CLEC2D: variants seen among roughly 807,000 people sequenced by gnomAD.
The protein encoded by CLEC2D is C-type lectin related f.
In CLEC2D, 16 loss-of-function variants were observed where a neutral mutation model predicts 20.0. That is an observed-to-expected ratio of 0.80 (90% CI 0.54 to 1.22). The LOEUF (loss-of-function observed/expected upper bound fraction) is 1.22, where lower values mean the gene tolerates loss of function less well. Ranked by LOEUF, CLEC2D falls within the 50% of genes most tolerant of loss-of-function variation. The pLI is 0.00. For missense variants in CLEC2D, 207 were observed against 221.5 expected (o/e 0.93, Z 0.42); for synonymous variants, 77 against 71.1 (o/e 1.08, Z -0.42).
Position 9,675,255 on chromosome 12 carries a change from G to A in CLEC2D, c.61+5460G>A, listed in dbSNP as rs1019242610. Among the ~76,000 whole-genome samples the A allele has an allele frequency of 4.1e-5, 6 of 147,982 alleles. No homozygotes were observed. In the South Asian group the frequency reaches 6.4e-4, roughly 16 times the overall value. On this transcript the variant is annotated intron_variant, in intron 1 of 4. Coordinates refer to ENST00000290855, the MANE Select transcript of CLEC2D (RefSeq NM_013269.6). The stretch of plus-strand genomic sequence containing the variant: ...CTTGCCCAGGCCGGAGTGCAGTGGC[G>A]CAATCTCGGCTCACTGCAAGCTCCG...
intron 3 of CLEC2D, among the ~76,000 whole-genome samples, chr12:9,690,968 A>G (rs1338900214): frequency 3.3e-5 from 5 of 152,096 alleles, no homozygotes; most frequent in Non-Finnish European, 7.4e-5. Context: ...CAAGTTGGCT[A>G]AAAACTAAAA....
chr12:9,686,010 G>A (rs747823517), intron 2 of CLEC2D, among the ~76,000 whole-genome samples: 1 of 152,256 alleles, frequency 6.6e-6, no homozygotes, highest in Admixed American at 6.5e-5. Context: ...CTCCTGGTCT[G>A]TGGGTTGCAA....
Position 9,695,389 on chromosome 12 carries a change from A to C in CLEC2D, c.*515A>C, listed in dbSNP as rs1865960143. 1.4e-6 allele frequency: 2 copies of C among 1,470,638 alleles called. No individual in the cohort carries two copies. The highest frequency in any genetic ancestry group is 2.9e-5 in the African/African-American group (2 of 70,012). 91.1% of individuals were successfully genotyped at this position (1,470,638 alleles called of 1,614,324 possible). On this transcript the variant is annotated 3_prime_UTR_variant, in exon 5 of 5. Coordinates refer to ENST00000290855, the MANE Select transcript of CLEC2D (RefSeq NM_013269.6). ...TAAGTGTGTGTCGCCACCCGATGGA[A>C]GATTCGATGGACATGGACATGAGCC...
At chr12:9,684,741 G>A (rs866677584) in intron 2 of CLEC2D, among the ~76,000 whole-genome samples, 29 of 152,044 alleles carry the variant, frequency 1.9e-4, no homozygotes, top group African/African-American at 6.5e-4. Flanking sequence ...TGACTTGATC[G>A]TGGTGGATAA....
chr12:9,683,505 G>C (rs766354006), intron 2 of CLEC2D, among the ~76,000 whole-genome samples: 39 of 152,088 alleles, frequency 2.6e-4, no homozygotes, highest in Middle Eastern at 3.4e-3. Context: ...TATGGTTTTA[G>C]GTCTTATGTT....
chr12:9,678,652 A>G (rs1048043588), intron 1 of CLEC2D, among the ~76,000 whole-genome samples: 1 of 152,020 alleles, frequency 6.6e-6, no homozygotes, highest in Non-Finnish European at 1.5e-5. Flanking sequence ...TGATTCTCCT[A>G]CCTGAGCCCT....
chr12:9,696,359 A>G lies in CLEC2D; in HGVS notation c.*1485A>G. On this transcript the variant is annotated 3_prime_UTR_variant, in exon 5 of 5. Transcript: ENST00000290855. The stretch of plus-strand genomic sequence containing the variant: ...CTACCATGTTTGATAAATGTTGTCC[A>G]GGTTCTATTGCCAAGAATGTGTTGT... The G allele has an allele frequency of 1.9e-6, 1 of 521,372 alleles. No homozygotes were observed. The highest frequency in any genetic ancestry group is 3.5e-6 in the Non-Finnish European group (1 of 285,684). The allele number at this position is 521,372 out of a possible 1,614,324, so 32.3% of individuals were successfully genotyped here.
chr12:9,669,878 C>A, intron 1 of CLEC2D, 83 bp downstream of exon 1: 3 of 1,098,564 alleles, frequency 2.7e-6, no homozygotes, highest in Non-Finnish European at 4.1e-6. Flanking sequence ...AGGAAAGGTG[C>A]TGATCTAGTA....
chr12:9,695,875 G>C lies in CLEC2D; in HGVS notation c.*1001G>C. 1.0e-6 allele frequency: 1 copy of C among 967,534 alleles called. No homozygotes were observed. Among genetic ancestry groups the C allele is most frequent in the South Asian group, 1.3e-5 (1 of 74,096 alleles). The allele number at this position is 967,534 out of a possible 1,614,324, so 59.9% of individuals were successfully genotyped here. On this transcript the variant is annotated 3_prime_UTR_variant, in exon 5 of 5. Coordinates refer to ENST00000290855, the MANE Select transcript of CLEC2D (RefSeq NM_013269.6). ...TGCTGCTGATGATGATGATGATGAA[G>C]ATGATGATGATGATGATGACGAGGA...
At chr12:9,692,383 G>A (rs925907198) in intron 3 of CLEC2D, among the ~76,000 whole-genome samples, 3 of 151,972 alleles carry the variant, frequency 2.0e-5, no homozygotes, top group Non-Finnish European at 2.9e-5. Context: ...CAGGTGATCC[G>A]CCTGCCTCGG....
At chr12:9,692,513 G>C (rs1164729311) in intron 3 of CLEC2D, among the ~76,000 whole-genome samples, 2 of 152,246 alleles carry the variant, frequency 1.3e-5, no homozygotes, top group East Asian at 3.9e-4. Flanking sequence ...GAATGTCATA[G>C]TAGCATACAT....
At chr12:9,682,528 C>G (rs189073432) in intron 2 of CLEC2D, among the ~76,000 whole-genome samples, 1 of 152,274 alleles carries the variant, frequency 6.6e-6, no homozygotes, top group Admixed American at 6.5e-5. Context: ...TGCCCCCCAA[C>G]CCTCAACACG....
At chr12:9,687,446 C>G (rs868586100) in intron 2 of CLEC2D, among the ~76,000 whole-genome samples, 3 of 152,146 alleles carry the variant, frequency 2.0e-5, no homozygotes, top group African/African-American at 4.8e-5. Flanking sequence ...CTTACTCATT[C>G]GCTGCTTACC....
At chr12:9,690,791 A>G (rs1421971830) in intron 3 of CLEC2D, among the ~76,000 whole-genome samples, 5 of 152,024 alleles carry the variant, frequency 3.3e-5, no homozygotes, top group Admixed American at 6.5e-5. Flanking sequence ...ACAATACACT[A>G]TAAAAAACCA....
At chr12:9,688,586 G>A (rs1865803152) in intron 3 of CLEC2D, among the ~76,000 whole-genome samples, 1 of 152,256 alleles carries the variant, frequency 6.6e-6, no homozygotes, top group East Asian at 1.9e-4. Flanking sequence ...GGGCATGGTG[G>A]CATACGCCTG....
chr12:9,688,045 C>A lies in CLEC2D; in HGVS notation c.316C>A (p.Gln106Lys). ...WTSSQRFCDS[Q>K]DADLAQVESF... is the part of the protein sequence containing the mutation. ...ATCAAGTCAGAGGTTTTGTGACTCA[C>A]AAGATGCTGATCTTGCTCAGGTTGA... Residue 106 changes from glutamine to lysine, a missense_variant, in exon 3 of 5, where the codon CAA (glutamine) becomes AAA (lysine). Physicochemically the swap from Gln to Lys is moderately conservative, Grantham distance 53. Coordinates refer to ENST00000290855, the MANE Select transcript of CLEC2D (RefSeq NM_013269.6). The A allele has an allele frequency of 6.2e-7, 1 of 1,612,302 alleles. No individual in the cohort carries two copies. The highest frequency in any genetic ancestry group is 2.2e-5 in the East Asian group (1 of 44,658).
Position 9,696,467 on chromosome 12 carries a change from T to C in CLEC2D, c.*1593T>C. 1 of 385,878 alleles carries C rather than the reference T, an allele frequency of 2.6e-6. No homozygotes were observed. The highest frequency in any genetic ancestry group is 4.8e-6 in the Non-Finnish European group (1 of 208,360). 23.9% of individuals were successfully genotyped at this position (385,878 alleles called of 1,614,324 possible). A position where few individuals can be genotyped will look rare whatever the true frequency, so the allele number is the denominator to read the frequency against. ...ATGTATGGGATGCTATGATAGGACA[T>C]AGTAGTAGCAGTGGTCAGACATGGA... On this transcript the variant is annotated 3_prime_UTR_variant, in exon 5 of 5. Coordinates refer to ENST00000290855, the MANE Select transcript of CLEC2D (RefSeq NM_013269.6).
chr12:9,675,395 C>T (rs944276045), intron 1 of CLEC2D, among the ~76,000 whole-genome samples: 2 of 152,042 alleles, frequency 1.3e-5, no homozygotes, highest in African/African-American at 2.4e-5. Flanking sequence ...GGGGTTTCAC[C>T]GTGTTAGCCA....
intron 2 of CLEC2D, among the ~76,000 whole-genome samples, chr12:9,685,624 C>T (rs1296388109): frequency 6.6e-6 from 1 of 152,200 alleles, no homozygotes; most frequent in Non-Finnish European, 1.5e-5. Context: ...CCGCCCAGTC[C>T]GAACTTCCCC....
Sources: allele counts gnomAD v4.1 joint callset (sites outside exome capture counted in the v4.1 genomes callset), GRCh38; gene constraint gnomAD v4.1.1; transcripts MANE v1.5; gene names NCBI Gene and HGNC (gene_info 2026-07-23, HGNC 2026-07-21).